The following GDPD4 variants were observed in gnomAD, a reference collection of about 807,000 sequenced individuals.
The protein encoded by GDPD4 is glycerophosphodiester phosphodiesterase 6.
GDPD4 carries 60 observed loss-of-function variants against 67.8 expected under a neutral mutation model. That is an observed-to-expected ratio of 0.88 (90% confidence interval 0.72 to 1.10). The LOEUF (loss-of-function observed/expected upper bound fraction) is 1.10, where lower values mean the gene tolerates loss of function less well. GDPD4 is among the 50% of genes least tolerant of loss of function. The probability of loss-of-function intolerance (pLI) is 0.00; values close to 1 mark genes in which losing one functional copy is unlikely to be tolerated. For missense variants in GDPD4, 623 were observed against 613.9 expected (o/e 1.01, Z -0.16); for synonymous variants, 212 against 210.9 (o/e 1.00, Z -0.04).
rs747985372 is a variant in GDPD4, at chr11:77,279,313, A to T, written c.140T>A (p.Leu47Ter). The change falls in exon 4 of 17, where the codon TTG (leucine) becomes TAG (stop). Residue 47 changes from leucine to a stop codon, truncating the protein, a stop_gained. Coordinates refer to ENST00000315938, the MANE Select transcript of GDPD4 (RefSeq NM_182833.3). LOFTEE classifies it high-confidence loss of function. ...ATGAGAAGCATTACTCACCAACAGC[A>T]ATGAAGAGTAGGCAGTCAGGATCCT... ...LARILTAYSS[L>*]LLLLGFLLLW... 4 of 1,598,894 alleles carry T rather than the reference A, an allele frequency of 2.5e-6. No individual in the cohort carries two copies. The highest frequency in any genetic ancestry group is 2.6e-6 in the Non-Finnish European group (3 of 1,166,002).
At chr11:77,291,922 T>C (rs1937789777) in intron 1 of GDPD4, among the ~76,000 whole-genome samples, 1 of 152,022 alleles carries the variant, frequency 6.6e-6, no homozygotes, top group South Asian at 2.1e-4. Context: ...CCCAGCTCCT[T>C]GGGAGGCTGA....
At chr11:77,226,778 C>T (rs1284924992) in intron 16 of GDPD4, among the ~76,000 whole-genome samples, 10 of 152,158 alleles carry the variant, frequency 6.6e-5, no homozygotes, top group Non-Finnish European at 1.2e-4. Flanking sequence ...AACTTGAGGT[C>T]GCCCTGCCTC....
intron 11 of GDPD4, among the ~76,000 whole-genome samples, chr11:77,246,106 G>A (rs1183759109): frequency 3.3e-5 from 5 of 152,160 alleles, no homozygotes; most frequent in African/African-American, 9.7e-5. Context: ...GCAACATAGT[G>A]AGACCCTTGT....
chr11:77,268,415 C>T (rs1565533211), intron 10 of GDPD4, 42 bp downstream of exon 10: 2 of 1,385,316 alleles, frequency 1.4e-6, no homozygotes, highest in South Asian at 1.2e-5. Flanking sequence ...TGGCATTGAA[C>T]TTATACCCTC....
At chr11:77,297,422 G>A (rs542359841) in intron 1 of GDPD4, among the ~76,000 whole-genome samples, 1 of 151,650 alleles carries the variant, frequency 6.6e-6, no homozygotes, top group East Asian at 1.9e-4. Flanking sequence ...TGTAGTCCCA[G>A]CTAGTCGGGA....
intron 16 of GDPD4, among the ~76,000 whole-genome samples, chr11:77,219,221 C>G (rs1307109025): frequency 3.3e-5 from 5 of 152,174 alleles, no homozygotes; most frequent in Non-Finnish European, 7.3e-5. Context: ...ATCCTTTGCC[C>G]ACTTTCTGAT....
intron 13 of GDPD4, among the ~76,000 whole-genome samples, chr11:77,235,022 T>TG (rs1235554562): frequency 7.6e-6 from 1 of 132,124 alleles, no homozygotes; most frequent in Non-Finnish European, 1.7e-5. Flanking sequence ...TTTTTTTTTT[T>TG]TTTTTTTTTT....
Position 77,273,014 on chromosome 11 carries a change from A to T in GDPD4, c.208-1621T>A, listed in dbSNP as rs541536437. 2.6e-5 allele frequency among the ~76,000 whole-genome samples: 4 copies of T among 152,264 alleles called. No homozygotes were observed. The South Asian group carries it at 8.3e-4, about 32-fold the overall frequency. On this transcript the variant is annotated intron_variant, in intron 5 of 16. Coordinates refer to ENST00000315938, the MANE Select transcript of GDPD4 (RefSeq NM_182833.3). ...CTCTAGCCAGTCAATATCTTTTAAC[A>T]CATGAACCTATATATTCCAGGTTTG...
At chr11:77,274,638 T>A (rs888914065) in intron 5 of GDPD4, among the ~76,000 whole-genome samples, 7 of 152,206 alleles carry the variant, frequency 4.6e-5, no homozygotes, top group African/African-American at 1.7e-4. Flanking sequence ...TGCAGAACCA[T>A]GAGACAAAAT....
chr11:77,251,765 C>CTATTGTTTCATTAAA (rs1438578414), intron 11 of GDPD4, among the ~76,000 whole-genome samples: 17 of 152,218 alleles, frequency 1.1e-4, no homozygotes, highest in African/African-American at 4.1e-4. Flanking sequence ...AAGTTTTAAA[C>CTATTGTTTCATTAAA]TATTGTTTCA....
At position 77,268,490 on chromosome 11, in the gene GDPD4, C is replaced by A. The variant is rs2135869952; in HGVS notation, c.674G>T (p.Gly225Val). Residue 225 changes from glycine (G) to valine (V), a missense_variant, in exon 10 of 17, where the codon GGA (glycine) becomes GTA (valine). Coordinates refer to ENST00000315938, the MANE Select transcript of GDPD4 (RefSeq NM_182833.3). The part of the protein sequence containing the change: ...MMSFEKAVEH[G>V]AHGLETDIHL... ...TATATCAGTCTCCAATCCATGGGCT[C>A]CATGTTCAACAGCTTTCTCAAAGGA... is the stretch of plus-strand genomic sequence containing the variant. The A allele has an allele frequency of 6.2e-7, 1 of 1,613,342 alleles. No individual in the cohort carries two copies. The highest frequency in any genetic ancestry group is 1.1e-5 in the South Asian group (1 of 91,062).
rs940712267 is a variant in GDPD4 at position 77,285,247 on chromosome 11, T to A, written c.-50-60A>T. 6.0e-6 allele frequency: 5 copies of A among 831,182 alleles called. No homozygotes were observed. The Middle Eastern group carries it at 9.0e-4, about 149-fold the overall frequency. The allele number at this position is 831,182 out of a possible 1,614,324, so 51.5% of individuals were successfully genotyped here. A position where few individuals can be genotyped will look rare whatever the true frequency, so the allele number is the denominator to read the frequency against. On this transcript the variant is annotated intron_variant, in intron 2 of 16. Coordinates refer to ENST00000315938, the MANE Select transcript of GDPD4 (RefSeq NM_182833.3). The stretch of plus-strand genomic sequence containing the variant: ...ATTTATCCTTGTTACCTCAGCAGTT[T>A]CTGTATACACTTGCCAAAGGTCAGC...
intron 13 of GDPD4, among the ~76,000 whole-genome samples, chr11:77,236,751 C>G (rs1351570757): frequency 6.6e-6 from 1 of 151,968 alleles, no homozygotes; most frequent in Non-Finnish European, 1.5e-5. Flanking sequence ...CACACACACA[C>G]AAATCAACAA....
rs1245927249 is a variant in GDPD4 at position 77,245,405 on chromosome 11, G to C, written c.962C>G (p.Ala321Gly). The change falls in exon 12 of 17, where the codon GCA becomes GGA. Residue 321 changes from alanine (A) to glycine (G), a missense_variant. Coordinates refer to ENST00000315938, the MANE Select transcript of GDPD4 (RefSeq NM_182833.3). ...IPTLADLLTL[A>G]EKERKFVIFD... ...TATCACAAATTTTCTTTCCTTCTCT[G>C]CAAGTGTCAATAAATCAGCTAGTGT... 1 of 1,613,986 alleles carries C rather than the reference G, an allele frequency of 6.2e-7. No homozygotes were observed. The highest frequency in any genetic ancestry group is 2.2e-5 in the East Asian group (1 of 44,888).
intron 10 of GDPD4, among the ~76,000 whole-genome samples, chr11:77,266,618 A>G (rs1959179342): frequency 6.6e-6 from 1 of 152,320 alleles, no homozygotes; most frequent in African/African-American, 2.4e-5. Context: ...TGACCGCTCC[A>G]TGCATGTTAT....
chr11:77,252,061 T>G (rs11237153), intron 11 of GDPD4, among the ~76,000 whole-genome samples: 43,757 of 99,588 alleles, frequency 0.44, 8,988 homozygotes, highest in African/African-American at 0.61. Flanking sequence ...TTTGTTTTTT[T>G]TTTGTTTTTT....
chr11:77,285,159 T>C lies in GDPD4; in HGVS notation c.-22A>G. On this transcript the variant is annotated 5_prime_UTR_variant, in exon 3 of 17. An upstream open reading frame in the 5' UTR loses its in-frame stop. Transcript: ENST00000315938. ...ACATCAGAGACAAGACAAATGAAAT[T>C]ACCAGGCACGGCAAAATAATTGCTC... The C allele has an allele frequency of 6.3e-7, 1 of 1,593,430 alleles. No individual in the cohort carries two copies. Among genetic ancestry groups the C allele is most frequent in the South Asian group, 1.1e-5 (1 of 90,030 alleles).
At chr11:77,229,369 G>C in intron 14 of GDPD4, 137 bp from the exon 15 acceptor site, 1 of 586,804 alleles carries the variant, frequency 1.7e-6, no homozygotes, top group Non-Finnish European at 3.1e-6. Flanking sequence ...AACCTTGATT[G>C]ATGTGGCATT....
At chr11:77,256,734 C>G (rs1959009629) in intron 11 of GDPD4, among the ~76,000 whole-genome samples, 1 of 152,112 alleles carries the variant, frequency 6.6e-6, no homozygotes, top group African/African-American at 2.4e-5. Context: ...TTGAAAAGAG[C>G]CTGGTACCTC....
Sources: allele counts gnomAD v4.1 joint callset (sites outside exome capture counted in the v4.1 genomes callset), GRCh38; gene constraint gnomAD v4.1.1; transcripts MANE v1.5; gene names NCBI Gene and HGNC (gene_info 2026-07-23, HGNC 2026-07-21).